Variants in PTPRG observed in about 807,000 individuals in gnomAD.
PTPRG encodes the protein receptor-type tyrosine-protein phosphatase gamma.
Under a neutral mutation model 165.3 loss-of-function variants are expected in PTPRG, and 102 were observed. The ratio of observed to expected loss-of-function variants is 0.62; its 90% confidence interval spans 0.53 to 0.73. The LOEUF (loss-of-function observed/expected upper bound fraction) is 0.73, where lower values mean the gene tolerates loss of function less well. Among genes scored for constraint, PTPRG ranks in the 30% least tolerant of loss-of-function variants. PTPRG has a pLI of 0.00. For synonymous variants in PTPRG, 675 were observed against 669.5 expected (o/e 1.01, Z -0.13); for missense variants, 1,866 against 1,861.4 (o/e 1.00, Z -0.05).
chr3:61,753,326 G>GTTTCATAT (rs1330777962), intron 2 of PTPRG, among the ~76,000 whole-genome samples: 4 of 152,060 alleles, frequency 2.6e-5, no homozygotes, highest in African/African-American at 9.7e-5. Context: ...GTTTCATATA[G>GTTTCATAT]AATTGTACTG....
intron 15 of PTPRG, 136 bp downstream of exon 15, chr3:62,244,034 C>A: frequency 1.8e-6 from 1 of 564,878 alleles, no homozygotes; most frequent in African/African-American, 1.9e-5. Flanking sequence ...TTTAGAAGAA[C>A]AAATAACTGA....
intron 2 of PTPRG, among the ~76,000 whole-genome samples, chr3:61,784,502 G>A (rs2034638046): frequency 6.6e-6 from 1 of 152,150 alleles, no homozygotes; most frequent in Non-Finnish European, 1.5e-5. Flanking sequence ...AATGAGTACG[G>A]ACTGTGGTTG....
At chr3:62,093,135 G>A (rs960939802) in intron 5 of PTPRG, among the ~76,000 whole-genome samples, 3 of 152,150 alleles carry the variant, frequency 2.0e-5, no homozygotes, top group Non-Finnish European at 2.9e-5. Context: ...AGCTGCTTGC[G>A]TGATTCTAAA....
At chr3:61,713,481 A>G (rs746561771) in intron 1 of PTPRG, among the ~76,000 whole-genome samples, 11 of 152,066 alleles carry the variant, frequency 7.2e-5, no homozygotes, top group Non-Finnish European at 1.6e-4. Context: ...TGAAACATCA[A>G]ATAATTTTAA....
chr3:61,688,648 C>G (rs1387809426), intron 1 of PTPRG, among the ~76,000 whole-genome samples: 1 of 152,196 alleles, frequency 6.6e-6, no homozygotes, highest in African/African-American at 2.4e-5. Context: ...GTATCCCCAC[C>G]ACCCGCTAGT....
intron 2 of PTPRG, among the ~76,000 whole-genome samples, chr3:61,858,296 A>C (rs2037170641): frequency 6.6e-6 from 1 of 152,222 alleles, no homozygotes; most frequent in African/African-American, 2.4e-5. Context: ...AAGTAGATGG[A>C]GACAGTTTTA....
intron 8 of PTPRG, among the ~76,000 whole-genome samples, chr3:62,182,290 G>A (rs1705686262): frequency 6.6e-6 from 1 of 152,148 alleles, no homozygotes; most frequent in South Asian, 2.1e-4. Context: ...GGTAATCACT[G>A]TAATCTAACA....
intron 4 of PTPRG, among the ~76,000 whole-genome samples, chr3:62,047,263 T>TTATTTATTTATTTATTTATG (rs72146414): frequency 0.11 from 16,155 of 149,838 alleles, 1,052 homozygotes; most frequent in Middle Eastern, 0.21. Flanking sequence ...ATTTATTTAT[T>TTATTTATTTATTTATTTATG]TATTTATTTT....
intron 8 of PTPRG, among the ~76,000 whole-genome samples, chr3:62,170,792 T>C (rs531577399): frequency 1.3e-5 from 2 of 152,184 alleles, no homozygotes; most frequent in South Asian, 4.2e-4. Flanking sequence ...TAACTTATTA[T>C]TGGAGAGCTA....
At chr3:62,040,748 A>G (rs1700101440) in intron 4 of PTPRG, among the ~76,000 whole-genome samples, 3 of 152,184 alleles carry the variant, frequency 2.0e-5, no homozygotes, top group Non-Finnish European at 4.4e-5. Flanking sequence ...AGCCGAGTCC[A>G]GCTTTTAAGT....
rs766805370 is a variant in PTPRG at position 62,003,397 on chromosome 3, C to CT, written c.420dup (p.Gly141TrpfsTer6). 6.2e-7 allele frequency: 1 copy of CT among 1,614,058 alleles called. No homozygotes were observed. The highest frequency in any genetic ancestry group is 8.5e-7 in the Non-Finnish European group (1 of 1,179,940). On this transcript the variant is annotated frameshift_variant, in exon 4 of 30. Coordinates refer to ENST00000474889, the MANE Select transcript of PTPRG (RefSeq NM_002841.4). LOFTEE classifies it high-confidence loss of function. Reference sequence around the variant, plus strand: ...TATTTTGTCAGTGGAGCTGGTCTACCTGGCAGATTCAAAGCTGAGAAGGTG... The same window carrying CT: ...TATTTTGTCAGTGGAGCTGGTCTACCTTGGCAGATTCAAAGCTGAGAAGGTG...
At chr3:62,168,271 C>T (rs1421064201) in intron 8 of PTPRG, 108 bp downstream of exon 8, 1 of 1,064,842 alleles carries the variant, frequency 9.4e-7, no homozygotes, top group Non-Finnish European at 1.3e-6. Flanking sequence ...GTGTTAAATG[C>T]ATATGTTTCT....
rs1701452546 is a variant in PTPRG, at chr3:62,078,149, A to T, written c.520-14A>T. On this transcript the variant is annotated splice_polypyrimidine_tract_variant and intron_variant, in intron 4 of 29. Coordinates refer to ENST00000474889, the MANE Select transcript of PTPRG (RefSeq NM_002841.4). ...GAAAATTTTCCTAATACATTTTTTT[A>T]ATTGTTCTTACAGATGCAGATTTTC... is the stretch of plus-strand genomic sequence containing the variant. 1 of 1,542,680 alleles carries T rather than the reference A, an allele frequency of 6.5e-7. No individual in the cohort carries two copies. The highest frequency in any genetic ancestry group is 1.8e-5 in the Admixed American group (1 of 54,672).
chr3:61,918,368 A>C (rs1311178775), intron 2 of PTPRG, among the ~76,000 whole-genome samples: 2 of 152,172 alleles, frequency 1.3e-5, no homozygotes, highest in Admixed American at 6.5e-5. Flanking sequence ...ATATGTATAT[A>C]TATATATACA....
intron 2 of PTPRG, among the ~76,000 whole-genome samples, chr3:61,986,555 G>A (rs1225570556): frequency 6.6e-6 from 1 of 152,152 alleles, no homozygotes; most frequent in East Asian, 1.9e-4. Flanking sequence ...CTTAGAGGTT[G>A]GCAGTATGTC....
At chr3:62,065,458 C>T (rs1000897793) in intron 4 of PTPRG, among the ~76,000 whole-genome samples, 3 of 152,142 alleles carry the variant, frequency 2.0e-5, no homozygotes, top group Non-Finnish European at 4.4e-5. Flanking sequence ...ATACATGTAC[C>T]ACCTTTGGCA....
Position 61,924,545 on chromosome 3 carries a change from A to G in PTPRG, c.191-65080A>G, listed in dbSNP as rs530492042. 6.6e-5 allele frequency among the ~76,000 whole-genome samples: 10 copies of G among 152,362 alleles called. No homozygotes were observed. The East Asian group carries it at 1.9e-3, about 29-fold the overall frequency. On this transcript the variant is annotated intron_variant, in intron 2 of 29. Transcript: ENST00000474889. ...TGGCACAAATTGTTCAGCATCTCCC[A>G]CGTGCTGTCACTGTGCTGAGTACTT...
intron 4 of PTPRG, among the ~76,000 whole-genome samples, chr3:62,012,253 A>G (rs777301288): frequency 2.6e-5 from 4 of 152,092 alleles, no homozygotes; most frequent in African/African-American, 4.8e-5. Context: ...TCCTGTTAGT[A>G]CTCCAGAATC....
intron 6 of PTPRG, among the ~76,000 whole-genome samples, chr3:62,134,484 G>A (rs568068030): frequency 5.3e-5 from 8 of 152,090 alleles, no homozygotes; most frequent in African/African-American, 1.2e-4. Context: ...TTCCTCTGTC[G>A]GGAGAGTTCT....
Sources: gnomAD v4.1 joint callset for allele counts (sites outside exome capture counted in the v4.1 genomes callset) on GRCh38, gnomAD v4.1.1 for gene constraint, MANE v1.5 for transcripts, NCBI Gene and HGNC (gene_info 2026-07-23, HGNC 2026-07-21) for gene names.